The following SLC16A7 variants were observed in gnomAD, a reference collection of about 807,000 sequenced individuals.
SLC16A7 encodes the protein solute carrier family 16 member 7, also known as monocarboxylate transporter 2.
SLC16A7 carries 33 observed loss-of-function variants against 34.9 expected under a neutral mutation model. That is an observed-to-expected ratio of 0.94 (90% CI 0.72 to 1.26). SLC16A7 has a LOEUF of 1.26. Among genes scored for constraint, SLC16A7 ranks in the 50% most tolerant of loss-of-function variants. The pLI, the probability that SLC16A7 is intolerant of heterozygous loss-of-function variation, is 0.00. For missense variants in SLC16A7, 573 were observed against 578.1 expected (o/e 0.99, Z 0.09); for synonymous variants, 201 against 206.6 (o/e 0.97, Z 0.23).
chr12:59,699,003 A>G (rs1367274490), intron 2 of SLC16A7, among the ~76,000 whole-genome samples: 1 of 151,878 alleles, frequency 6.6e-6, no homozygotes, highest in South Asian at 2.1e-4. Context: ...GTAAACATGT[A>G]TAACTGAAGC....
At chr12:59,670,222 G>T (rs1366408047) in intron 2 of SLC16A7, among the ~76,000 whole-genome samples, 2 of 152,126 alleles carry the variant, frequency 1.3e-5, no homozygotes, top group Non-Finnish European at 2.9e-5. Context: ...TCACATGGCT[G>T]TCTTCTTATA....
chr12:59,605,231 A>T (rs762557311), intron 1 of SLC16A7, among the ~76,000 whole-genome samples: 16 of 152,200 alleles, frequency 1.1e-4, no homozygotes, highest in Non-Finnish European at 1.8e-4. Flanking sequence ...AGGCTTCCTT[A>T]CTATTTGAAG....
At chr12:59,768,662 A>G (rs1881922199) in intron 3 of SLC16A7, among the ~76,000 whole-genome samples, 1 of 152,136 alleles carries the variant, frequency 6.6e-6, no homozygotes, top group South Asian at 2.1e-4. Flanking sequence ...CTAGCATGAA[A>G]GGAAGAATCA....
intron 2 of SLC16A7, among the ~76,000 whole-genome samples, chr12:59,704,373 G>T (rs1430708276): frequency 1.3e-5 from 2 of 151,944 alleles, no homozygotes; most frequent in Non-Finnish European, 2.9e-5. Context: ...GCCTTAAACA[G>T]GAAGGAAAAA....
rs1196535597 is a variant in SLC16A7, at chr12:59,764,242, T to G, written c.218-6977T>G. ...CAACATTCCCTAAGCCAGAGCCTAA[T>G]CCAGAGCAGGGCCCTAACTGTCTTC... On this transcript the variant is annotated intron_variant, in intron 3 of 5. Transcript: ENST00000547379. Among the ~76,000 whole-genome samples the G allele has an allele frequency of 3.3e-5, 5 of 152,264 alleles. No homozygotes were observed. The East Asian group carries it at 9.6e-4, about 29-fold the overall frequency.
At chr12:59,773,546 C>A (rs925646901) in intron 4 of SLC16A7, among the ~76,000 whole-genome samples, 1 of 151,872 alleles carries the variant, frequency 6.6e-6, no homozygotes, top group Non-Finnish European at 1.5e-5. Context: ...TTTATATAAG[C>A]CCAATTTTAT....
chr12:59,778,099 G>A (rs1882941638), intron 5 of SLC16A7, among the ~76,000 whole-genome samples: 1 of 151,990 alleles, frequency 6.6e-6, no homozygotes, highest in Admixed American at 6.6e-5. Context: ...TGTGAATAGT[G>A]CCGCAATAAA....
chr12:59,659,986 T>G (rs559505267), intron 2 of SLC16A7, among the ~76,000 whole-genome samples: 60 of 152,208 alleles, frequency 3.9e-4, no homozygotes, highest in Non-Finnish European at 7.8e-4. Flanking sequence ...TTGTTCAAGA[T>G]GAAAAGTAAA....
chr12:59,692,364 C>A lies in SLC16A7; in HGVS notation c.-30-12408C>A, dbSNP rs145013506. Among the ~76,000 whole-genome samples, 210 of 152,092 alleles carry A rather than the reference C, an allele frequency of 1.4e-3. 1 individual carries two copies. Among genetic ancestry groups the A allele is most frequent in the Middle Eastern group, 6.8e-3 (2 of 294 alleles). On this transcript the variant is annotated intron_variant, in intron 2 of 5. Coordinates refer to ENST00000547379, the MANE Select transcript of SLC16A7 (RefSeq NM_001270623.2). ...ATATTACAAGTTCTGGGGATCCAGA[C>A]ATGGACATAGCTGGCATTCACCCTA... is the stretch of plus-strand genomic sequence containing the variant.
At chr12:59,737,268 C>T (rs1007865947) in intron 3 of SLC16A7, among the ~76,000 whole-genome samples, 4 of 152,252 alleles carry the variant, frequency 2.6e-5, no homozygotes, top group Middle Eastern at 3.4e-3. Flanking sequence ...AATAAAGAGG[C>T]TACTCATTAT....
intron 2 of SLC16A7, among the ~76,000 whole-genome samples, chr12:59,677,850 T>A (rs140561527): frequency 2.6e-3 from 399 of 152,366 alleles, no homozygotes; most frequent in African/African-American, 8.9e-3. Flanking sequence ...TGTCTCTTAC[T>A]TCCAGGACAT....
chr12:59,706,534 G>C (rs1873600801), intron 3 of SLC16A7, among the ~76,000 whole-genome samples: 1 of 151,942 alleles, frequency 6.6e-6, no homozygotes, highest in Non-Finnish European at 1.5e-5. Flanking sequence ...TACTATTTGG[G>C]CGTGTCAATG....
chr12:59,775,115 G>C lies in SLC16A7; in HGVS notation c.820G>C (p.Asp274His). Reference sequence around the variant, plus strand: ...TATATTCTTGGCTCCATATGCTAAAGACCAAGGAATTGATGAGTACTCGGC... The same window carrying C: ...TATATTCTTGGCTCCATATGCTAAACACCAAGGAATTGATGAGTACTCGGC... ...PIIFLAPYAK[D>H]QGIDEYSAAF... Residue 274 changes from aspartate (D) to histidine (H), a missense_variant, in exon 5 of 6, where the codon GAC (aspartate) becomes CAC (histidine). Transcript: ENST00000547379. 6.2e-7 allele frequency: 1 copy of C among 1,614,096 alleles called. No individual in the cohort carries two copies. The highest frequency in any genetic ancestry group is 2.2e-5 in the East Asian group (1 of 44,884).
At chr12:59,700,958 C>T (rs1459521962) in intron 2 of SLC16A7, among the ~76,000 whole-genome samples, 6 of 151,600 alleles carry the variant, frequency 4.0e-5, no homozygotes, top group Non-Finnish European at 5.9e-5. Context: ...GAGGTAGGTA[C>T]TCCATGCAAT....
chr12:59,752,145 T>C (rs890161120), intron 3 of SLC16A7, among the ~76,000 whole-genome samples: 2 of 148,908 alleles, frequency 1.3e-5, no homozygotes, highest in East Asian at 1.9e-4. Flanking sequence ...GATAAAACCA[T>C]AAAGATGGGG....
rs376093593 is a variant in SLC16A7, at chr12:59,658,767, T to A, written c.-31+3517T>A. Among the ~76,000 whole-genome samples, 13 of 152,158 alleles carry A rather than the reference T, an allele frequency of 8.5e-5. No individual in the cohort carries two copies. The South Asian group carries it at 1.2e-3, about 15-fold the overall frequency. On this transcript the variant is annotated intron_variant, in intron 2 of 5. Transcript: ENST00000547379. ...CTAACAATCAAATAATTAGGCTTTT[T>A]CTTTCATGTTGATAACTCCAGATTT...
rs566016690 is a variant in SLC16A7, at chr12:59,671,692, G to A, written c.-31+16442G>A. On this transcript the variant is annotated intron_variant, in intron 2 of 5. Transcript: ENST00000547379. ...TCTCTCTCTCTCTATATATATATAT[G>A]TGTGTGTGTGTATATATATATGTGT... Among the ~76,000 whole-genome samples, 36 of 145,336 alleles carry A rather than the reference G, an allele frequency of 2.5e-4. No homozygotes were observed. The South Asian group carries it at 6.7e-3, about 27-fold the overall frequency.
At chr12:59,689,841 G>A (rs1367425660) in intron 2 of SLC16A7, among the ~76,000 whole-genome samples, 1 of 151,924 alleles carries the variant, frequency 6.6e-6, no homozygotes, top group Non-Finnish European at 1.5e-5. Context: ...TAAGTTGAAA[G>A]GTGAGAAAAG....
intron 3 of SLC16A7, 93 bp downstream of exon 3, chr12:59,705,111 C>T (rs1873415579): frequency 1.2e-6 from 1 of 846,290 alleles, no homozygotes; most frequent in African/African-American, 1.7e-5. Context: ...ATATTAAAAC[C>T]CTGTTTTTAT....
Sources: allele counts gnomAD v4.1 joint callset (sites outside exome capture counted in the v4.1 genomes callset), GRCh38; gene constraint gnomAD v4.1.1; transcripts MANE v1.5; gene names NCBI Gene and HGNC (gene_info 2026-07-23, HGNC 2026-07-21).